The following KCNMB1 variants were observed in gnomAD, a reference collection of about 807,000 sequenced individuals.
KCNMB1 encodes calcium-activated potassium channel subunit beta-1.
KCNMB1 carries 22 observed loss-of-function variants against 21.7 expected under a neutral mutation model. The ratio of observed to expected loss-of-function variants is 1.01; its 90% confidence interval spans 0.72 to 1.45. The LOEUF is 1.45. Ranked by LOEUF, KCNMB1 falls within the 40% of genes most tolerant of loss-of-function variation. KCNMB1 has a pLI of 0.00. For missense variants in KCNMB1, 243 were observed against 243.4 expected, an observed-to-expected ratio of 1.00 and a Z score of 0.01; for synonymous variants, 114 against 107.6, an observed-to-expected ratio of 1.06 and a Z score of -0.37.
intron 1 of KCNMB1, 106 bp from the exon 2 acceptor site, chr5:170,385,577 CTTG>C: frequency 9.5e-7 from 1 of 1,048,790 alleles, no homozygotes; most frequent in Non-Finnish European, 1.4e-6. Flanking sequence ...TAATATCACT[CTTG>C]TTTATATTTG....
intron 3 of KCNMB1, among the ~76,000 whole-genome samples, chr5:170,379,736 C>A (rs1415460300): frequency 1.3e-5 from 2 of 152,098 alleles, no homozygotes; most frequent in African/African-American, 4.8e-5. Context: ...ATCCCTTGAG[C>A]CCAGGAGTTC....
At chr5:170,383,439 C>A (rs1305117431) in intron 3 of KCNMB1, 2 of 611,108 alleles carry the variant, frequency 3.3e-6, no homozygotes, top group Non-Finnish European at 5.8e-6. Flanking sequence ...AGGGTGGAAA[C>A]TGAGGAGGTG....
intron 3 of KCNMB1, 43 bp from the exon 4 acceptor site, chr5:170,379,016 A>G (rs1764128625): frequency 1.9e-6 from 3 of 1,596,328 alleles, no homozygotes; most frequent in South Asian, 1.1e-5. Flanking sequence ...GGAAATCCCC[A>G]TTTCTTAGCC....
intron 1 of KCNMB1, among the ~76,000 whole-genome samples, chr5:170,388,953 C>T (rs1764596552): frequency 6.6e-6 from 1 of 152,152 alleles, no homozygotes; most frequent in African/African-American, 2.4e-5. Flanking sequence ...CTATTTTTGT[C>T]CCACCTCTCT....
In KCNMB1 at chr5:170,378,510, G is replaced by A; in HGVS notation, c.*194C>T. The A allele has an allele frequency of 1.5e-6, 1 of 664,294 alleles. No individual in the cohort carries two copies. The highest frequency in any genetic ancestry group is 2.5e-6 in the Non-Finnish European group (1 of 393,438). The allele number at this position is 664,294 out of a possible 1,614,324, so 41.1% of individuals were successfully genotyped here. On this transcript the variant is annotated 3_prime_UTR_variant, in exon 4 of 4. Coordinates refer to ENST00000274629, the MANE Select transcript of KCNMB1 (RefSeq NM_004137.4). Reference sequence around the variant, plus strand: ...GCCTCCAAGGCATTGGGGAGCCACTGTACATTCTTGAGCAGGCAATGACTT... The same window carrying A: ...GCCTCCAAGGCATTGGGGAGCCACTATACATTCTTGAGCAGGCAATGACTT...
rs76301003 is a variant in KCNMB1 at position 170,382,022 on chromosome 5, C to T, written c.306+1657G>A. On this transcript the variant is annotated intron_variant, in intron 3 of 3. Transcript: ENST00000274629. ...CACTCTCAAGATCCCCCAGCCTCCACGCCCCATCCCAGGCACCCTGCCCCT... is the reference window on the plus strand; with the variant it reads ...CACTCTCAAGATCCCCCAGCCTCCATGCCCCATCCCAGGCACCCTGCCCCT... 2.1e-3 allele frequency among the ~76,000 whole-genome samples: 314 copies of T among 152,206 alleles called. 1 individual carries two copies. Among genetic ancestry groups the T allele is most frequent in the African/African-American group, 7.3e-3 (303 of 41,538 alleles).
rs771873575 is a variant in KCNMB1, at chr5:170,383,774, C to T, written c.211G>A (p.Val71Met). The change falls in exon 3 of 4, where the codon GTG becomes ATG. Residue 71 changes from valine (V) to methionine (M), a missense_variant. Coordinates refer to ENST00000274629, the MANE Select transcript of KCNMB1 (RefSeq NM_004137.4). ...RDQEELKGKK[V>M]PQYPCLWVNV... ...ACCCACAGGCATGGGTACTGGGGCA[C>T]CTTCTTGCCCTTCAGCTCCTCCTGG... is the stretch of plus-strand genomic sequence containing the variant. The T allele has an allele frequency of 4.3e-6, 7 of 1,613,932 alleles. No homozygotes were observed. The highest frequency in any genetic ancestry group is 1.6e-4 in the Middle Eastern group (1 of 6,084).
intron 3 of KCNMB1, 79 bp downstream of exon 3, chr5:170,383,600 G>T: frequency 6.6e-7 from 1 of 1,510,280 alleles, no homozygotes. Flanking sequence ...TCTCAGCCTC[G>T]GGGACAGGGA....
chr5:170,388,289 C>T (rs542650098), intron 1 of KCNMB1, among the ~76,000 whole-genome samples: 3 of 152,270 alleles, frequency 2.0e-5, no homozygotes, highest in Non-Finnish European at 4.4e-5. Context: ...TAAGACCATG[C>T]GTGGGGTTCA....
rs797011598 is a variant in KCNMB1, at chr5:170,375,793, T to C, written c.*2911A>G. ...TAGCACTTACCATATGTCACTATCCTAGGAAATTTACATAAAAATTTGTTT... is the reference window on the plus strand; with the variant it reads ...TAGCACTTACCATATGTCACTATCCCAGGAAATTTACATAAAAATTTGTTT... On this transcript the variant is annotated 3_prime_UTR_variant, in exon 4 of 4. Coordinates refer to ENST00000274629, the MANE Select transcript of KCNMB1 (RefSeq NM_004137.4). 6 of 152,374 alleles carry C rather than the reference T, an allele frequency of 3.9e-5. No homozygotes were observed. Among genetic ancestry groups the C allele is most frequent in the African/African-American group, 1.2e-4 (5 of 41,584 alleles). 9.4% of individuals were successfully genotyped at this position (152,374 alleles called of 1,614,324 possible). A position where few individuals can be genotyped will look rare whatever the true frequency, so the allele number is the denominator to read the frequency against.
intron 3 of KCNMB1, 36 bp downstream of exon 3, chr5:170,383,643 A>T (rs1302233031): frequency 3.7e-6 from 6 of 1,608,080 alleles, no homozygotes; most frequent in Non-Finnish European, 5.1e-6. Context: ...CCTGACAGGG[A>T]TAAAGGGATG....
chr5:170,378,879 T>C lies in KCNMB1; in HGVS notation c.401A>G (p.Tyr134Cys). The change falls in exon 4 of 4, where the codon TAC (tyrosine) becomes TGC (cysteine). Residue 134 changes from tyrosine to cysteine, a missense_variant. Transcript: ENST00000274629. ...GTTCCCCCGAGGTGCGGAGAAGCAGTAGAAGACCTGCTGCTCTTGGAATTT... is the reference window on the plus strand; with the variant it reads ...GTTCCCCCGAGGTGCGGAGAAGCAGCAGAAGACCTGCTGCTCTTGGAATTT... The part of the protein sequence containing the change: ...RAKFQEQQVF[Y>C]CFSAPRGNET... The C allele has an allele frequency of 6.2e-7, 1 of 1,614,220 alleles. No individual in the cohort carries two copies. Among genetic ancestry groups the C allele is most frequent in the Non-Finnish European group, 8.5e-7 (1 of 1,180,026 alleles).
At chr5:170,383,589 T>G in intron 3 of KCNMB1, 90 bp downstream of exon 3, 1 of 1,447,340 alleles carries the variant, frequency 6.9e-7, no homozygotes, top group Non-Finnish European at 9.6e-7. Context: ...GGGTTGATCT[T>G]TCTCAGCCTC....
At chr5:170,387,409 C>T (rs1462984276) in intron 1 of KCNMB1, among the ~76,000 whole-genome samples, 1 of 152,178 alleles carries the variant, frequency 6.6e-6, no homozygotes, top group Non-Finnish European at 1.5e-5. Flanking sequence ...TTGACTCCCT[C>T]CCCTTAGCCA....
In KCNMB1 at chr5:170,385,310, G is replaced by A. The variant is rs764424302; in HGVS notation, c.134+4C>T. The A allele has an allele frequency of 2.6e-5, 42 of 1,614,014 alleles. No individual in the cohort carries two copies. Among genetic ancestry groups the A allele is most frequent in the African/African-American group, 2.7e-5 (2 of 74,924 alleles). ...GGGGTGGGCAGGCCGGGAGAGCTCA[G>A]TACCTTTTCTGGTAGAGGGGCAGCA... On this transcript the variant is annotated splice_donor_region_variant and intron_variant, in intron 2 of 3. Transcript: ENST00000274629.
chr5:170,381,177 T>C (rs1246615676), intron 3 of KCNMB1, among the ~76,000 whole-genome samples: 1 of 152,168 alleles, frequency 6.6e-6, no homozygotes, highest in Non-Finnish European at 1.5e-5. Context: ...GGCAAGACAC[T>C]GGGCAGGAAT....
intron 3 of KCNMB1, among the ~76,000 whole-genome samples, chr5:170,379,190 G>A (rs770974316): frequency 6.6e-6 from 1 of 151,400 alleles, no homozygotes; most frequent in Non-Finnish European, 1.5e-5. Flanking sequence ...GAGCTGCTCG[G>A]GGTACAGGCT....
intron 2 of KCNMB1, among the ~76,000 whole-genome samples, chr5:170,384,892 T>C (rs1442055103): frequency 6.6e-6 from 1 of 152,174 alleles, no homozygotes; most frequent in Non-Finnish European, 1.5e-5. Flanking sequence ...GCTCCCCGTC[T>C]CTTGAGGTAT....
intron 1 of KCNMB1, among the ~76,000 whole-genome samples, chr5:170,387,428 T>C (rs314109): frequency 0.13 from 20,288 of 152,104 alleles, 1,606 homozygotes; most frequent in African/African-American, 0.22. Context: ...CAGGCTGCCC[T>C]CATACCCGGG....
Sources: allele counts gnomAD v4.1 joint callset (sites outside exome capture counted in the v4.1 genomes callset), GRCh38; gene constraint gnomAD v4.1.1; transcripts MANE v1.5; gene names NCBI Gene and HGNC (gene_info 2026-07-23, HGNC 2026-07-21).